MMP26: variants seen among roughly 807,000 people sequenced by gnomAD.
The protein encoded by MMP26 is matrix metallopeptidase 26, also known as matrix metalloproteinase-26.
A neutral mutation model predicts 31.0 loss-of-function variants in MMP26; 33 were observed. The observed-to-expected ratio is 1.06, with a 90% confidence interval of 0.81 to 1.42. MMP26 has a LOEUF of 1.42. Ranked by LOEUF, MMP26 falls within the 40% of genes most tolerant of loss-of-function variation. The pLI is 0.00. For synonymous variants in MMP26, 122 were observed against 114.9 expected (o/e 1.06, Z -0.40); for missense variants, 347 against 316.1 (o/e 1.10, Z -0.74).
intron 2 of MMP26, among the ~76,000 whole-genome samples, chr11:4,812,871 G>A (rs1849368134): frequency 1.3e-5 from 2 of 152,054 alleles, no homozygotes; most frequent in Non-Finnish European, 2.9e-5. Context: ...AGGCAGATGT[G>A]TGTGTGTGTA....
chr11:4,946,573 T>A (rs1451689139), intron 2 of MMP26: 2 of 1,587,612 alleles, frequency 1.3e-6, no homozygotes, highest in South Asian at 1.1e-5. Flanking sequence ...AGGAATGGGA[T>A]AATTGGTTTT....
At chr11:4,971,295 A>G (rs1331161299) in intron 2 of MMP26, among the ~76,000 whole-genome samples, 1 of 152,102 alleles carries the variant, frequency 6.6e-6, no homozygotes, top group Admixed American at 6.5e-5. Context: ...GTACACACAA[A>G]ACCTTAAGAA....
chr11:4,759,093 A>G (rs1848540046), intron 1 of MMP26, among the ~76,000 whole-genome samples: 1 of 147,502 alleles, frequency 6.8e-6, no homozygotes, highest in Non-Finnish European at 1.5e-5. Context: ...CCTGGGCAAC[A>G]AGAGTGACAT....
intron 2 of MMP26, among the ~76,000 whole-genome samples, chr11:4,891,076 T>G (rs1285378752): frequency 6.6e-6 from 1 of 151,440 alleles, no homozygotes; most frequent in Non-Finnish European, 1.5e-5. Context: ...TTTTGAAGAA[T>G]GAAGAAAATT....
chr11:4,822,045 T>C (rs2133472488), intron 2 of MMP26: 1 of 1,613,822 alleles, frequency 6.2e-7, no homozygotes. Context: ...TTTTGTCCAC[T>C]ACAGGGTTTG....
At chr11:4,932,597 C>A (rs1453641808) in intron 2 of MMP26, among the ~76,000 whole-genome samples, 2 of 152,126 alleles carry the variant, frequency 1.3e-5, no homozygotes, top group Non-Finnish European at 1.5e-5. Flanking sequence ...AGTGAAGATG[C>A]CCAGTTGGTA....
intron 1 of MMP26, among the ~76,000 whole-genome samples, chr11:4,749,563 C>T (rs768076591): frequency 1.1e-4 from 16 of 152,020 alleles, no homozygotes; most frequent in Non-Finnish European, 1.9e-4. Flanking sequence ...GAGCATAGTA[C>T]TGGTATAAAA....
intron 2 of MMP26, chr11:4,907,256 T>G: frequency 6.2e-6 from 4 of 640,234 alleles, no homozygotes; most frequent in East Asian, 2.7e-5. Flanking sequence ...TGCCTTTGAG[T>G]ATAGTATACG....
In MMP26 at chr11:4,992,364, G is replaced by C; in HGVS notation, c.*122G>C. On this transcript the variant is annotated 3_prime_UTR_variant, in exon 8 of 8. Coordinates refer to ENST00000380390, the MANE Select transcript of MMP26 (RefSeq NM_021801.5). ...ATGAAGCCCTAAAGAATGCAACCTAGTCAGGTTAGCTGAACCGACACTCAA... is the reference window on the plus strand; with the variant it reads ...ATGAAGCCCTAAAGAATGCAACCTACTCAGGTTAGCTGAACCGACACTCAA... 1 of 916,680 alleles carries C rather than the reference G, an allele frequency of 1.1e-6. No homozygotes were observed. Among genetic ancestry groups the C allele is most frequent in the Middle Eastern group, 3.4e-4 (1 of 2,966 alleles). 56.8% of individuals were successfully genotyped at this position (916,680 alleles called of 1,614,324 possible).
rs1846373651 is a variant in MMP26 at position 4,951,554 on chromosome 11, G to T, written c.-144-36514G>T. On this transcript the variant is annotated intron_variant, in intron 2 of 7. Transcript: ENST00000380390. ...TTGGCTGTTCTAGTAGATAAATACT[G>T]GGTTGTTAGGTTTCTTAAAAAATAA... 1.6e-5 allele frequency among the ~76,000 whole-genome samples: 2 copies of T among 123,852 alleles called. 1 individual carries two copies. The highest frequency in any genetic ancestry group is 3.7e-5 in the Non-Finnish European group (2 of 54,640). 81.3% of individuals were successfully genotyped at this position (123,852 alleles called of 152,430 possible). A position where few individuals can be genotyped will look rare whatever the true frequency, so the allele number is the denominator to read the frequency against.
chr11:4,822,210 C>G, intron 2 of MMP26: 1 of 1,591,946 alleles, frequency 6.3e-7, no homozygotes. Context: ...TGTCTCTTGT[C>G]CATCGCTATG....
chr11:4,820,303 C>G (rs998991797), intron 2 of MMP26, among the ~76,000 whole-genome samples: 12 of 152,108 alleles, frequency 7.9e-5, no homozygotes, highest in African/African-American at 2.9e-4. Flanking sequence ...AATTTATTTT[C>G]TTTGTTGAAT....
intron 2 of MMP26, among the ~76,000 whole-genome samples, chr11:4,910,239 G>T (rs977915074): frequency 6.6e-6 from 1 of 151,980 alleles, no homozygotes; most frequent in African/African-American, 2.4e-5. Flanking sequence ...CAGGAACATT[G>T]CATCTTCCTG....
intron 2 of MMP26, among the ~76,000 whole-genome samples, chr11:4,940,029 T>A (rs1302032439): frequency 1.3e-5 from 2 of 151,922 alleles, no homozygotes; most frequent in African/African-American, 4.8e-5. Context: ...ACTATTGAGA[T>A]TTAATTAAAA....
At chr11:4,865,954 GA>G (rs1850228381) in intron 2 of MMP26, among the ~76,000 whole-genome samples, 1 of 152,108 alleles carries the variant, frequency 6.6e-6, no homozygotes, top group African/African-American at 2.4e-5. Context: ...AGAAACTCAA[GA>G]GAGCTTTCTG....
chr11:4,776,428 T>G (rs1848791605), intron 2 of MMP26, among the ~76,000 whole-genome samples: 1 of 152,176 alleles, frequency 6.6e-6, no homozygotes, highest in Non-Finnish European at 1.5e-5. Flanking sequence ...AGCATTTTCT[T>G]TTCTCTGAAT....
intron 2 of MMP26, chr11:4,769,073 T>C (rs774980421): frequency 6.4e-7 from 1 of 1,570,464 alleles, no homozygotes. Context: ...TAAAAGCAGG[T>C]ATACATTAGC....
At chr11:4,951,261 C>T (rs1846370664) in intron 2 of MMP26, among the ~76,000 whole-genome samples, 1 of 124,190 alleles carries the variant, frequency 8.1e-6, no homozygotes, top group South Asian at 2.4e-4. Flanking sequence ...ATTTTCATGA[C>T]TCCAGAATAA....
chr11:4,945,448 T>C (rs1393492297), intron 2 of MMP26: 1 of 152,762 alleles, frequency 6.5e-6, no homozygotes, highest in Non-Finnish European at 1.5e-5. Context: ...AATATGTTCC[T>C]TATTGATTTA....
Sources: gnomAD v4.1 joint callset for allele counts (sites outside exome capture counted in the v4.1 genomes callset) on GRCh38, gnomAD v4.1.1 for gene constraint, MANE v1.5 for transcripts, NCBI Gene and HGNC (gene_info 2026-07-23, HGNC 2026-07-21) for gene names.